Variants in SPMIP9 observed in about 807,000 individuals in gnomAD.
SPMIP9 encodes protein SPMIP9.
At chr2:88,528,584 T>C in the SPMIP9 span, among the ~76,000 whole-genome samples, 1 of 152,220 alleles carries the variant, frequency 6.6e-6, no homozygotes. Flanking sequence ...CATTTTCTCT[T>C]TTCAAGATTG....
the SPMIP9 span, among the ~76,000 whole-genome samples, chr2:88,526,927 A>G: frequency 6.6e-6 from 1 of 152,100 alleles, no homozygotes; most frequent in Non-Finnish European, 1.5e-5. Flanking sequence ...CGGCCTCCCA[A>G]AGTGCTAGAA....
At chr2:88,525,709 A>G in the SPMIP9 span, 1 of 1,612,674 alleles carries the variant, frequency 6.2e-7, no homozygotes, top group Admixed American at 1.7e-5. Flanking sequence ...TGACGGTCTC[A>G]GGGTTGGGTA....
chr2:88,528,737 GGAA>G, the SPMIP9 span, among the ~76,000 whole-genome samples: 1 of 152,082 alleles, frequency 6.6e-6, no homozygotes, highest in Non-Finnish European at 1.5e-5. Flanking sequence ...ACAAACCAAG[GGAA>G]GAAGATATAC....
the SPMIP9 span, among the ~76,000 whole-genome samples, chr2:88,527,995 G>A: frequency 6.6e-6 from 1 of 152,090 alleles, no homozygotes; most frequent in Non-Finnish European, 1.5e-5. Flanking sequence ...CTAACAATGA[G>A]GTTGGACACA....
At chr2:88,528,413 C>T in the SPMIP9 span, among the ~76,000 whole-genome samples, 1 of 152,214 alleles carries the variant, frequency 6.6e-6, no homozygotes, top group Non-Finnish European at 1.5e-5. Flanking sequence ...GCTGGGATTA[C>T]AGGCGTAAGC....
the SPMIP9 span, chr2:88,529,230 G>A: frequency 1.2e-5 from 20 of 1,614,010 alleles, no homozygotes; most frequent in African/African-American, 5.3e-5. Flanking sequence ...GAGGACGAGC[G>A]CAAGTTCACC....
the SPMIP9 span, chr2:88,524,906 T>A: frequency 6.6e-6 from 1 of 152,238 alleles, no homozygotes; most frequent in Admixed American, 6.5e-5. Flanking sequence ...GAGTACCCCT[T>A]AAGGATCTAG....
chr2:88,527,333 A>C, the SPMIP9 span, among the ~76,000 whole-genome samples: 1 of 152,154 alleles, frequency 6.6e-6, no homozygotes, highest in Non-Finnish European at 1.5e-5. Context: ...GTCTCTATAA[A>C]AAATACAAAA....
chr2:88,528,605 T>A, the SPMIP9 span, among the ~76,000 whole-genome samples: 4 of 152,336 alleles, frequency 2.6e-5, no homozygotes, highest in African/African-American at 7.2e-5. Context: ...CTTAAAAATC[T>A]TCTCCCGTCC....
At chr2:88,528,642 TAAAC>T in the SPMIP9 span, among the ~76,000 whole-genome samples, 18 of 152,312 alleles carry the variant, frequency 1.2e-4, no homozygotes, top group Admixed American at 2.6e-4. Context: ...AAAAAAGATC[TAAAC>T]AAACAAAGAT....
the SPMIP9 span, chr2:88,525,499 G>A: frequency 1.1e-6 from 1 of 877,960 alleles, no homozygotes; most frequent in Non-Finnish European, 1.9e-6. Flanking sequence ...TGACATGCAG[G>A]GTAGGAGCCC....
At chr2:88,528,962 G>A in the SPMIP9 span, 1 of 1,313,016 alleles carries the variant, frequency 7.6e-7, no homozygotes, top group South Asian at 1.5e-5. Flanking sequence ...AAATAAAGAA[G>A]GGTGTGCTCT....
At chr2:88,525,722 C>A in the SPMIP9 span, 2 of 1,601,886 alleles carry the variant, frequency 1.2e-6, no homozygotes, top group South Asian at 2.2e-5. Context: ...GTTGGGTAGC[C>A]TCAGCAAGGC....
the SPMIP9 span, among the ~76,000 whole-genome samples, chr2:88,528,624 C>T: frequency 7.2e-5 from 11 of 152,126 alleles, no homozygotes; most frequent in African/African-American, 2.7e-4. Flanking sequence ...CCTGAGGTTT[C>T]CCCACTAAAA....
chr2:88,525,797 GTT>G, the SPMIP9 span: 5,767 of 690,018 alleles, frequency 8.4e-3, no homozygotes, highest in South Asian at 0.012. Context: ...GGTTTTGTGG[GTT>G]TTTTTTTTTT....
chr2:88,526,336 G>A, the SPMIP9 span: 1 of 1,226,396 alleles, frequency 8.2e-7, no homozygotes, highest in Admixed American at 1.7e-5. Context: ...ACAGCAAGAA[G>A]CCATTGAATG....
chr2:88,527,521 T>G, the SPMIP9 span, among the ~76,000 whole-genome samples: 2 of 152,218 alleles, frequency 1.3e-5, no homozygotes, highest in African/African-American at 4.8e-5. Flanking sequence ...TGGTTTTGCC[T>G]TTTTGAACTT....
At chr2:88,528,353 GT>G in the SPMIP9 span, among the ~76,000 whole-genome samples, 3 of 152,072 alleles carry the variant, frequency 2.0e-5, no homozygotes, top group Non-Finnish European at 4.4e-5. Context: ...GGCCAGGCTG[GT>G]CTTGGACTCC....
chr2:88,528,980 A>G, the SPMIP9 span: 1 of 1,490,562 alleles, frequency 6.7e-7, no homozygotes, highest in Non-Finnish European at 9.1e-7. Context: ...TCTGTCTTGG[A>G]TGCTTCCAAG....
Sources: gnomAD v4.1 joint callset for allele counts (sites outside exome capture counted in the v4.1 genomes callset) on GRCh38, gnomAD v4.1.1 for gene constraint, MANE v1.5 for transcripts, NCBI Gene and HGNC (gene_info 2026-07-23, HGNC 2026-07-21) for gene names.